MAP3K7: variants seen among roughly 807,000 people sequenced by gnomAD.
The protein encoded by MAP3K7 is mitogen-activated protein kinase kinase kinase 7.
In MAP3K7, 21 loss-of-function variants were observed where a neutral mutation model predicts 84.8. The ratio of observed to expected loss-of-function variants is 0.25; its 90% CI spans 0.18 to 0.36. The LOEUF (loss-of-function observed/expected upper bound fraction) is 0.36, where lower values mean the gene tolerates loss of function less well. Among genes scored for constraint, MAP3K7 ranks in the 10% least tolerant of loss-of-function variants. MAP3K7 has a pLI of 1.00. For synonymous variants in MAP3K7, 241 were observed against 247.7 expected (o/e 0.97, Z 0.25); for missense variants, 503 against 747.7 (o/e 0.67, Z 3.82).
At chr6:90,523,600 A>G (rs1582161614) in intron 14 of MAP3K7, 78 bp downstream of exon 14, 1 of 919,548 alleles carries the variant, frequency 1.1e-6, no homozygotes, top group East Asian at 2.4e-5. Context: ...CTTTGTAAAC[A>G]TTAGAGTAAT....
intron 2 of MAP3K7, among the ~76,000 whole-genome samples, chr6:90,569,037 A>C (rs1055233311): frequency 2.6e-5 from 4 of 152,168 alleles, no homozygotes; most frequent in African/African-American, 9.7e-5. Context: ...TCATCTTCAT[A>C]GCTATAGTTG....
chr6:90,554,433 T>A (rs370346066), intron 6 of MAP3K7, among the ~76,000 whole-genome samples: 27 of 152,204 alleles, frequency 1.8e-4, no homozygotes, highest in African/African-American at 6.5e-4. Context: ...GGTGGTTGAA[T>A]CAGCCAGCAC....
chr6:90,544,528 A>T lies in MAP3K7; in HGVS notation c.1291+24T>A, dbSNP rs989007202. The T allele has an allele frequency of 1.1e-5, 17 of 1,601,582 alleles. No individual in the cohort carries two copies. In the Middle Eastern group the frequency reaches 1.3e-3, roughly 125 times the overall value. ...ATTATTCCGGTTCCACAGCTATTAG[A>T]CCAACTCAGGTGGTCTATGATACCT... On this transcript the variant is annotated intron_variant, in intron 12 of 16. Transcript: ENST00000369329.
At chr6:90,558,605 T>C (rs2127977747) in intron 5 of MAP3K7, among the ~76,000 whole-genome samples, 1 of 152,250 alleles carries the variant, frequency 6.6e-6, no homozygotes, top group East Asian at 1.9e-4. Flanking sequence ...AAGGAGAATC[T>C]CTATCTACAA....
chr6:90,560,026 T>A, intron 5 of MAP3K7, 50 bp downstream of exon 5: 1 of 1,607,712 alleles, frequency 6.2e-7, no homozygotes, highest in East Asian at 2.2e-5. Context: ...GTGGTGAGAG[T>A]GAGAGAGAAG....
chr6:90,547,761 A>G (rs1776050649), intron 10 of MAP3K7, among the ~76,000 whole-genome samples: 2 of 152,226 alleles, frequency 1.3e-5, no homozygotes, highest in African/African-American at 4.8e-5. Flanking sequence ...CAGCGCAGCC[A>G]AAATATACCC....
intron 6 of MAP3K7, among the ~76,000 whole-genome samples, chr6:90,555,428 T>C (rs1347151520): frequency 1.3e-5 from 2 of 152,104 alleles, no homozygotes; most frequent in Non-Finnish European, 2.9e-5. Flanking sequence ...GCGAATTTTT[T>C]GTAGTTTTAG....
chr6:90,539,544 C>T (rs1420847011), intron 12 of MAP3K7, among the ~76,000 whole-genome samples: 1 of 151,570 alleles, frequency 6.6e-6, no homozygotes, highest in Non-Finnish European at 1.5e-5. Context: ...CTCTCTTTGC[C>T]TCTTCATATT....
chr6:90,561,316 G>C (rs1326978252), intron 4 of MAP3K7, among the ~76,000 whole-genome samples: 2 of 151,802 alleles, frequency 1.3e-5, no homozygotes, highest in Non-Finnish European at 2.9e-5. Context: ...TCAAAGTTAT[G>C]AGAGGGCAAA....
At chr6:90,553,693 T>TG in intron 6 of MAP3K7, 107 bp from the exon 7 acceptor site, 1 of 876,150 alleles carries the variant, frequency 1.1e-6, no homozygotes, top group South Asian at 1.8e-5. Context: ...AAAATGAGGC[T>TG]GTCACATGTA....
rs1043371471 is a variant in MAP3K7 at position 90,532,247 on chromosome 6, C to T, written c.1356+4090G>A. Among the ~76,000 whole-genome samples the T allele has an allele frequency of 4.6e-5, 7 of 152,228 alleles. No homozygotes were observed. In the East Asian group the frequency reaches 9.7e-4, roughly 21 times the overall value. ...AGGTTTCCTTATGATACAGAAAGAACGCTGGTGGATTTTACTTCTTTCCAA... is the reference window on the plus strand; with the variant it reads ...AGGTTTCCTTATGATACAGAAAGAATGCTGGTGGATTTTACTTCTTTCCAA... On this transcript the variant is annotated intron_variant, in intron 13 of 16. Coordinates refer to ENST00000369329, the MANE Select transcript of MAP3K7 (RefSeq NM_145331.3).
chr6:90,564,337 A>G lies in MAP3K7; in HGVS notation c.298-2670T>C, dbSNP rs141889804. ...TTCAGGAGACTCATCTCACGGGCAG[A>G]GACACACATAGGCTCAAAATAAAGG... On this transcript the variant is annotated intron_variant, in intron 3 of 16. Coordinates refer to ENST00000369329, the MANE Select transcript of MAP3K7 (RefSeq NM_145331.3). Among the ~76,000 whole-genome samples, 747 of 152,312 alleles carry G rather than the reference A, an allele frequency of 4.9e-3. 7 individuals are homozygous for G. Among genetic ancestry groups the G allele is most frequent in the African/African-American group, 0.016 (680 of 41,566 alleles).
intron 16 of MAP3K7, 121 bp from the exon 17 acceptor site, chr6:90,516,802 C>A (rs1252503585): frequency 1.4e-6 from 1 of 717,396 alleles, no homozygotes; most frequent in Non-Finnish European, 2.2e-6. Flanking sequence ...ATCTTAGGTA[C>A]ACTAATCAAA....
At position 90,516,486 on chromosome 6, in the gene MAP3K7, A is replaced by G. The variant is rs1291441739; in HGVS notation, c.*15T>C. 6.2e-7 allele frequency: 1 copy of G among 1,602,672 alleles called. No homozygotes were observed. The highest frequency in any genetic ancestry group is 8.5e-7 in the Non-Finnish European group (1 of 1,176,596). The stretch of plus-strand genomic sequence containing the variant: ...TCTTTCTTTGCATATTTCAAAATGT[A>G]ACGGTCCCAGAGAATCATGAAGTGC... On this transcript the variant is annotated 3_prime_UTR_variant, in exon 17 of 17. Coordinates refer to ENST00000369329, the MANE Select transcript of MAP3K7 (RefSeq NM_145331.3).
intron 1 of MAP3K7, among the ~76,000 whole-genome samples, chr6:90,582,451 A>T (rs995837509): frequency 1.3e-5 from 2 of 152,236 alleles, no homozygotes. Flanking sequence ...AAGGAGAGAC[A>T]CAATTTCAGT....
In MAP3K7 at chr6:90,515,476, T is replaced by G. The variant is rs561563376; in HGVS notation, c.*1025A>C. 6.6e-6 allele frequency: 1 copy of G among 151,960 alleles called. No individual in the cohort carries two copies. Among genetic ancestry groups the G allele is most frequent in the Admixed American group, 6.6e-5 (1 of 15,238 alleles). 9.4% of individuals were successfully genotyped at this position (151,960 alleles called of 1,614,324 possible). A position where few individuals can be genotyped will look rare whatever the true frequency, so the allele number is the denominator to read the frequency against. On this transcript the variant is annotated 3_prime_UTR_variant, in exon 17 of 17. Coordinates refer to ENST00000369329, the MANE Select transcript of MAP3K7 (RefSeq NM_145331.3). ...CAAATATTCCAATATCCAGGATAAT[T>G]AGGACACTTGTTGAATTTATATTTG...
rs556054183 is a variant in MAP3K7, at chr6:90,570,837, T to C, written c.231+860A>G. Among the ~76,000 whole-genome samples, 3 of 152,326 alleles carry C rather than the reference T, an allele frequency of 2.0e-5. 1 individual carries two copies. The highest frequency in any genetic ancestry group is 1.9e-4 in the East Asian group (1 of 5,180). Reference sequence around the variant, plus strand: ...CTTTATCTAAACTGTAATAAAAATATTGCATAAAACAAAGCTGAGGCTAGA... The same window carrying C: ...CTTTATCTAAACTGTAATAAAAATACTGCATAAAACAAAGCTGAGGCTAGA... On this transcript the variant is annotated intron_variant, in intron 2 of 16. Transcript: ENST00000369329.
intron 13 of MAP3K7, among the ~76,000 whole-genome samples, chr6:90,528,841 G>A (rs1775405903): frequency 6.6e-6 from 1 of 152,194 alleles, no homozygotes; most frequent in Non-Finnish European, 1.5e-5. Flanking sequence ...AAAAACTGAT[G>A]AAATATGACT....
chr6:90,546,712 T>C (rs1420375752), intron 11 of MAP3K7, among the ~76,000 whole-genome samples: 1 of 152,164 alleles, frequency 6.6e-6, no homozygotes, highest in East Asian at 1.9e-4. Flanking sequence ...ATTTAAATGC[T>C]AGCTTTTTCA....
Sources: gnomAD v4.1 joint callset for allele counts (sites outside exome capture counted in the v4.1 genomes callset) on GRCh38, gnomAD v4.1.1 for gene constraint, MANE v1.5 for transcripts, NCBI Gene and HGNC (gene_info 2026-07-23, HGNC 2026-07-21) for gene names.